Variants in DCDC1 observed in about 807,000 individuals in gnomAD.
DCDC1 encodes doublecortin domain-containing protein 1.
DCDC1 carries 200 observed loss-of-function variants against 178.3 expected under a neutral mutation model. The observed-to-expected ratio is 1.12, with a 90% CI of 1.00 to 1.26. DCDC1 has a LOEUF of 1.26. DCDC1 is among the 50% of genes most tolerant of loss of function. DCDC1 has a pLI of 0.00. For synonymous variants in DCDC1, 690 were observed against 604.8 expected, an observed-to-expected ratio of 1.14 and a Z score of -2.07; for missense variants, 1,983 against 1,749.2, an observed-to-expected ratio of 1.13 and a Z score of -2.38.
chr11:31,024,455 GT>G (rs1953089683), intron 20 of DCDC1, among the ~76,000 whole-genome samples: 1 of 151,668 alleles, frequency 6.6e-6, no homozygotes, highest in Non-Finnish European at 1.5e-5. Context: ...ACTATATAAT[GT>G]TTTTTAAAAA....
At chr11:31,303,684 T>C (rs1317258986) in intron 6 of DCDC1, among the ~76,000 whole-genome samples, 1 of 152,170 alleles carries the variant, frequency 6.6e-6, no homozygotes, top group East Asian at 1.9e-4. Flanking sequence ...CCAAATATCA[T>C]TGTTTAAGCT....
At chr11:30,925,430 T>C in intron 22 of DCDC1, 22 bp from the exon 23 acceptor site, 1 of 1,607,758 alleles carries the variant, frequency 6.2e-7, no homozygotes, top group African/African-American at 1.3e-5. Context: ...GACACAAAAA[T>C]TGACCTTGCA....
intron 20 of DCDC1, among the ~76,000 whole-genome samples, chr11:31,008,004 T>C (rs1951954290): frequency 1.3e-5 from 2 of 152,120 alleles, no homozygotes; most frequent in South Asian, 4.1e-4. Context: ...GGAGTCATGA[T>C]CTGGAAGTAG....
At position 31,004,848 on chromosome 11, in the gene DCDC1, T is replaced by C. The variant is rs529421483; in HGVS notation, c.2592-52280A>G. Reference sequence around the variant, plus strand: ...TCAGATAAAAATAATATCTACCTCATTGTGTTGCTCTGTGATTTAAAATAG... The same window carrying C: ...TCAGATAAAAATAATATCTACCTCACTGTGTTGCTCTGTGATTTAAAATAG... On this transcript the variant is annotated intron_variant, in intron 20 of 38. Coordinates refer to ENST00000684477, the MANE Select transcript of DCDC1 (RefSeq NM_001387274.1). 1.5e-4 allele frequency among the ~76,000 whole-genome samples: 23 copies of C among 152,234 alleles called. No homozygotes were observed. In the South Asian group the frequency reaches 4.8e-3, roughly 32 times the overall value.
intron 17 of DCDC1, among the ~76,000 whole-genome samples, chr11:31,088,006 T>C (rs1174776857): frequency 6.6e-6 from 1 of 152,096 alleles, no homozygotes; most frequent in Non-Finnish European, 1.5e-5. Flanking sequence ...TGTGCCATTT[T>C]TAAAAAATTA....
chr11:30,911,314 A>G lies in DCDC1; in HGVS notation c.3747+13T>C, dbSNP rs1179206739. 13 of 1,588,694 alleles carry G rather than the reference A, an allele frequency of 8.2e-6. No homozygotes were observed. In the South Asian group the frequency reaches 1.4e-4, roughly 17 times the overall value. On this transcript the variant is annotated intron_variant, in intron 28 of 38. Coordinates refer to ENST00000684477, the MANE Select transcript of DCDC1 (RefSeq NM_001387274.1). ...AAAAGGCCATGACTAATCTTTAGCC[A>G]TACATATCTTACCTGAACAATAACT...
chr11:31,207,292 T>C (rs994130865), intron 9 of DCDC1, among the ~76,000 whole-genome samples: 3 of 152,192 alleles, frequency 2.0e-5, no homozygotes, highest in Admixed American at 2.0e-4. Flanking sequence ...GGTGATATTA[T>C]AAATATTATA....
intron 9 of DCDC1, among the ~76,000 whole-genome samples, chr11:31,170,659 A>C (rs773951256): frequency 2.0e-5 from 3 of 152,100 alleles, no homozygotes. Flanking sequence ...TCATCTAGCT[A>C]CCTCAATCAT....
chr11:30,960,240 T>A (rs1256568454), intron 20 of DCDC1, among the ~76,000 whole-genome samples: 1 of 152,130 alleles, frequency 6.6e-6, no homozygotes, highest in African/African-American at 2.4e-5. Context: ...TAAAATCACA[T>A]CTTAGTTTAC....
intron 9 of DCDC1, among the ~76,000 whole-genome samples, chr11:31,213,611 T>C (rs1174177785): frequency 6.6e-6 from 1 of 151,700 alleles, no homozygotes; most frequent in Non-Finnish European, 1.5e-5. Context: ...TCCCAGCTAT[T>C]CAGGAGGCTG....
intron 37 of DCDC1, 111 bp from the exon 38 acceptor site, chr11:30,878,822 C>A: frequency 1.0e-6 from 1 of 969,810 alleles, no homozygotes; most frequent in Non-Finnish European, 1.5e-6. Context: ...CCTTGGCTCC[C>A]ACCCTGGGCT....
Position 31,277,801 on chromosome 11 carries a change from T to C in DCDC1, c.961-12201A>G, listed in dbSNP as rs1003812426. On this transcript the variant is annotated intron_variant, in intron 7 of 38. Transcript: ENST00000684477. ...TTGAGGTTTCAGAAATGTTTATATATTCTCAACCAAAGTTTTTTGTTAAGT... is the reference window on the plus strand; with the variant it reads ...TTGAGGTTTCAGAAATGTTTATATACTCTCAACCAAAGTTTTTTGTTAAGT... 5.3e-5 allele frequency among the ~76,000 whole-genome samples: 8 copies of C among 152,254 alleles called. No individual in the cohort carries two copies. In the East Asian group the frequency reaches 1.3e-3, roughly 26 times the overall value.
intron 9 of DCDC1, among the ~76,000 whole-genome samples, chr11:31,212,340 G>T (rs1476243568): frequency 6.6e-6 from 1 of 151,780 alleles, no homozygotes; most frequent in African/African-American, 2.4e-5. Context: ...GTTTTAAGAG[G>T]TGATTAAGTA....
At chr11:31,143,659 A>T (rs1443046685) in intron 9 of DCDC1, among the ~76,000 whole-genome samples, 1 of 152,224 alleles carries the variant, frequency 6.6e-6, no homozygotes, top group Non-Finnish European at 1.5e-5. Flanking sequence ...TTAACTCAGT[A>T]GCAATCTTAG....
At chr11:31,215,193 G>A in intron 9 of DCDC1, 1 of 253,322 alleles carries the variant, frequency 3.9e-6, no homozygotes, top group Non-Finnish European at 8.3e-6. Flanking sequence ...AACTCGGAAG[G>A]CTGAGGCAGG....
At chr11:30,897,166 A>G (rs1944289292) in intron 34 of DCDC1, among the ~76,000 whole-genome samples, 1 of 152,228 alleles carries the variant, frequency 6.6e-6, no homozygotes, top group Non-Finnish European at 1.5e-5. Flanking sequence ...GTCAATAGAG[A>G]CATGATTTAT....
intron 9 of DCDC1, among the ~76,000 whole-genome samples, chr11:31,241,201 C>T (rs551002661): frequency 6.6e-6 from 1 of 151,958 alleles, no homozygotes; most frequent in Non-Finnish European, 1.5e-5. Flanking sequence ...GCTGCCTTCA[C>T]TTTGCCCAGT....
intron 21 of DCDC1, 27 bp downstream of exon 21, chr11:30,952,418 A>G: frequency 6.6e-7 from 1 of 1,513,204 alleles, no homozygotes; most frequent in Non-Finnish European, 8.9e-7. Flanking sequence ...AGTCTCAATG[A>G]CCATCTCTTA....
chr11:31,051,658 G>C (rs1187838540), intron 20 of DCDC1, among the ~76,000 whole-genome samples: 2 of 152,132 alleles, frequency 1.3e-5, no homozygotes, highest in African/African-American at 4.8e-5. Context: ...AGAAGGGATT[G>C]GGGACCTATC....
Sources: allele counts gnomAD v4.1 joint callset (sites outside exome capture counted in the v4.1 genomes callset), GRCh38; gene constraint gnomAD v4.1.1; transcripts MANE v1.5; gene names NCBI Gene and HGNC (gene_info 2026-07-23, HGNC 2026-07-21).